Variants in KAZN observed in about 807,000 individuals in gnomAD.
KAZN encodes the protein kazrin.
A neutral mutation model predicts 87.4 loss-of-function variants in KAZN; 40 were observed. That is an observed-to-expected ratio of 0.46 (90% CI 0.36 to 0.60). The LOEUF is 0.60. KAZN is among the 20% of genes least tolerant of loss of function. The probability of loss-of-function intolerance (pLI) is 0.00; values close to 1 mark genes in which losing one functional copy is unlikely to be tolerated. For synonymous variants in KAZN, 466 were observed against 458.3 expected (o/e 1.02, Z -0.22); for missense variants, 898 against 1,073.9 (o/e 0.84, Z 2.29).
At chr1:14,121,800 G>A (rs1644757123) in intron 1 of KAZN, among the ~76,000 whole-genome samples, 1 of 151,566 alleles carries the variant, frequency 6.6e-6, no homozygotes, top group Non-Finnish European at 1.5e-5. Context: ...GTTTTCAATA[G>A]GGAGGTGAGA....
At chr1:14,925,542 G>A (rs1174119997) in intron 1 of KAZN, among the ~76,000 whole-genome samples, 2 of 152,178 alleles carry the variant, frequency 1.3e-5, no homozygotes, top group Admixed American at 6.5e-5. Context: ...AGAAAAGCCC[G>A]GAGGTTAAGC....
intron 1 of KAZN, among the ~76,000 whole-genome samples, chr1:14,679,699 G>C (rs1480548848): frequency 1.3e-5 from 2 of 152,166 alleles, no homozygotes; most frequent in African/African-American, 4.8e-5. Context: ...GTAGGTACTA[G>C]TGACAGCAGC....
intron 1 of KAZN, among the ~76,000 whole-genome samples, chr1:13,983,858 T>C (rs952434598): frequency 6.6e-6 from 1 of 152,190 alleles, no homozygotes; most frequent in Non-Finnish European, 1.5e-5. Flanking sequence ...CCTCCTCTTT[T>C]CAAAACCTAA....
rs116564140 is a variant in KAZN at position 14,419,843 on chromosome 1, G to A, written c.250-179140G>A. Among the ~76,000 whole-genome samples, 433 of 152,272 alleles carry A rather than the reference G, an allele frequency of 2.8e-3. 1 individual carries two copies. Among genetic ancestry groups the A allele is most frequent in the African/African-American group, 9.9e-3 (413 of 41,542 alleles). On this transcript the variant is annotated intron_variant, in intron 2 of 16. Transcript: ENST00000636203. Reference sequence around the variant, plus strand: ...CTCGCTGGTCTCGGAAGTGAAGCCAGACACCTTTGCGGCGAGTATTACAGC... The same window carrying A: ...CTCGCTGGTCTCGGAAGTGAAGCCAAACACCTTTGCGGCGAGTATTACAGC...
intron 2 of KAZN, among the ~76,000 whole-genome samples, chr1:14,364,984 C>T (rs1313554739): frequency 6.6e-6 from 1 of 151,338 alleles, no homozygotes; most frequent in African/African-American, 2.4e-5. Context: ...CTTAAGTGAT[C>T]TTCCCACCTT....
chr1:14,979,056 C>T (rs1665962654), intron 2 of KAZN, among the ~76,000 whole-genome samples: 1 of 151,882 alleles, frequency 6.6e-6, no homozygotes, highest in Non-Finnish European at 1.5e-5. Context: ...AGGCGCCTGC[C>T]ACCATGCCCA....
At chr1:14,036,229 C>CTT (rs1641551962) in intron 1 of KAZN, among the ~76,000 whole-genome samples, 1 of 152,168 alleles carries the variant, frequency 6.6e-6, no homozygotes, top group African/African-American at 2.4e-5. Context: ...TGGCCCAAGA[C>CTT]ATGTGGGGAC....
chr1:14,301,281 C>T (rs541268695), intron 2 of KAZN, among the ~76,000 whole-genome samples: 3 of 152,298 alleles, frequency 2.0e-5, no homozygotes, highest in South Asian at 2.1e-4. Context: ...GCGAGTCAGA[C>T]ACGGTAGAGG....
At chr1:14,286,227 C>T (rs1653243334) in intron 2 of KAZN, among the ~76,000 whole-genome samples, 1 of 151,600 alleles carries the variant, frequency 6.6e-6, no homozygotes, top group Non-Finnish European at 1.5e-5. Flanking sequence ...TAGATGGCTA[C>T]ATTCTCCCCG....
chr1:14,499,416 A>T (rs1361006167), intron 2 of KAZN, among the ~76,000 whole-genome samples: 1 of 152,150 alleles, frequency 6.6e-6, no homozygotes, highest in Non-Finnish European at 1.5e-5. Flanking sequence ...CATGGGATCG[A>T]TTCCTCCTAA....
chr1:14,731,809 T>C (rs748979249), intron 1 of KAZN, among the ~76,000 whole-genome samples: 22 of 152,226 alleles, frequency 1.4e-4, no homozygotes, highest in Non-Finnish European at 2.6e-4. Flanking sequence ...AGTGCCTTAA[T>C]GTTGCTGAGT....
At chr1:14,147,035 A>G (rs975664925) in intron 1 of KAZN, among the ~76,000 whole-genome samples, 2 of 152,142 alleles carry the variant, frequency 1.3e-5, no homozygotes, top group African/African-American at 4.8e-5. Context: ...ACCCATTTCC[A>G]TTTAATGAAT....
intron 2 of KAZN, among the ~76,000 whole-genome samples, chr1:14,224,677 C>A (rs1043450056): frequency 1.3e-5 from 2 of 152,066 alleles, no homozygotes; most frequent in African/African-American, 4.8e-5. Context: ...TGTAGGGATG[C>A]CTCAAGAATC....
chr1:14,415,531 C>T (rs143545634), intron 2 of KAZN, among the ~76,000 whole-genome samples: 36 of 152,262 alleles, frequency 2.4e-4, no homozygotes, highest in Non-Finnish European at 4.1e-4. Flanking sequence ...AGTCCTCGAC[C>T]CCCACCCACT....
At chr1:14,404,199 T>C (rs1012358558) in intron 2 of KAZN, among the ~76,000 whole-genome samples, 1 of 152,212 alleles carries the variant, frequency 6.6e-6, no homozygotes, top group Admixed American at 6.5e-5. Context: ...CTGCTTTTAC[T>C]GTACCCATGG....
rs148139011 is a variant in KAZN at position 14,226,397 on chromosome 1, A to G, written c.249+45805A>G. Among the ~76,000 whole-genome samples, 232 of 152,310 alleles carry G rather than the reference A, an allele frequency of 1.5e-3. 1 individual carries two copies. The highest frequency in any genetic ancestry group is 5.2e-3 in the African/African-American group (216 of 41,578). Reference sequence around the variant, plus strand: ...ACCACCTCACACCAGTCAAATGGCTATTACTAAAAAGTGAAAAACAAAAAA... The same window carrying G: ...ACCACCTCACACCAGTCAAATGGCTGTTACTAAAAAGTGAAAAACAAAAAA... On this transcript the variant is annotated intron_variant, in intron 2 of 16. Coordinates refer to the KAZN transcript ENST00000636203.
chr1:14,884,769 A>G lies in KAZN; in HGVS notation c.227-75915A>G, dbSNP rs1001825242. Among the ~76,000 whole-genome samples the G allele has an allele frequency of 3.9e-5, 6 of 152,212 alleles. No homozygotes were observed. The East Asian group carries it at 1.2e-3, about 29-fold the overall frequency. ...GACCCATGCTGCTGGTCTGGGGATC[A>G]CACTGTGAATAGCCAGAGGCTGGCC... On this transcript the variant is annotated intron_variant, in intron 1 of 14. Coordinates refer to ENST00000376030, the MANE Select transcript of KAZN (RefSeq NM_201628.3).
intron 1 of KAZN, among the ~76,000 whole-genome samples, chr1:14,600,666 C>CAAAAAAAAAA (rs59840012): frequency 8.4e-6 from 1 of 118,510 alleles, no homozygotes. Context: ...GGAACCTGTG[C>CAAAAAAAAAA]AAAAAAAAAA....
intron 2 of KAZN, among the ~76,000 whole-genome samples, chr1:14,190,083 G>A (rs1646392414): frequency 6.6e-6 from 1 of 152,124 alleles, no homozygotes. Flanking sequence ...ATGGGCTGGT[G>A]ATGAACTGGG....
Sources: gnomAD v4.1 joint callset for allele counts (sites outside exome capture counted in the v4.1 genomes callset) on GRCh38, gnomAD v4.1.1 for gene constraint, MANE v1.5 for transcripts, NCBI Gene and HGNC (gene_info 2026-07-23, HGNC 2026-07-21) for gene names.